FER: variants seen among roughly 807,000 people sequenced by gnomAD.
The protein encoded by FER is FER tyrosine kinase, also known as tyrosine-protein kinase Fer.
A neutral mutation model predicts 111.0 loss-of-function variants in FER; 63 were observed. The observed-to-expected ratio is 0.57, with a 90% CI of 0.46 to 0.70. The LOEUF (loss-of-function observed/expected upper bound fraction) is 0.70. Ranked by LOEUF, FER falls within the 30% of genes least tolerant of loss-of-function variation. The pLI, the probability that FER is intolerant of heterozygous loss-of-function variation, is 0.00. For synonymous variants in FER, 327 were observed against 313.9 expected, an observed-to-expected ratio of 1.04 and a Z score of -0.44; for missense variants, 914 against 954.0, an observed-to-expected ratio of 0.96 and a Z score of 0.55.
chr5:108,932,854 C>A (rs1204579870), intron 10 of FER, among the ~76,000 whole-genome samples: 1 of 133,734 alleles, frequency 7.5e-6, no homozygotes, highest in South Asian at 2.3e-4. Flanking sequence ...ATCCTTTGCC[C>A]ACTTTTTTTT....
intron 10 of FER, among the ~76,000 whole-genome samples, chr5:108,925,755 TC>T (rs1244523537): frequency 6.6e-6 from 1 of 152,144 alleles, no homozygotes; most frequent in African/African-American, 2.4e-5. Flanking sequence ...GTTATGGTGT[TC>T]CAAATATGTG....
chr5:109,085,672 T>C (rs1229860309), intron 16 of FER, among the ~76,000 whole-genome samples: 1 of 151,762 alleles, frequency 6.6e-6, no homozygotes, highest in Non-Finnish European at 1.5e-5. Flanking sequence ...TTAAGTATGG[T>C]GATAGATGTA....
chr5:108,945,348 G>GTT (rs143079603), intron 10 of FER, among the ~76,000 whole-genome samples: 1 of 151,168 alleles, frequency 6.6e-6, no homozygotes, highest in African/African-American at 2.4e-5. Context: ...CCTAGTTTTG[G>GTT]TTTTTTTTCC....
intron 17 of FER, among the ~76,000 whole-genome samples, chr5:109,117,198 A>G (rs973478308): frequency 3.3e-5 from 5 of 152,156 alleles, no homozygotes; most frequent in Admixed American, 6.6e-5. Flanking sequence ...GGCAAACCAG[A>G]AAGATTTAAT....
chr5:108,893,834 G>A (rs1161710753), intron 9 of FER, among the ~76,000 whole-genome samples: 1 of 152,064 alleles, frequency 6.6e-6, no homozygotes, highest in African/African-American at 2.4e-5. Flanking sequence ...TAAAGAAAGT[G>A]TTCCTACTTA....
intron 3 of FER, among the ~76,000 whole-genome samples, chr5:108,816,565 G>A (rs1758303017): frequency 6.6e-6 from 1 of 152,144 alleles, no homozygotes; most frequent in East Asian, 1.9e-4. Flanking sequence ...TTAAAAAAAT[G>A]TGTCCCTGAT....
At chr5:108,979,995 C>G (rs957900469) in intron 13 of FER, among the ~76,000 whole-genome samples, 1 of 152,038 alleles carries the variant, frequency 6.6e-6, no homozygotes, top group African/African-American at 2.4e-5. Context: ...AGGTAATTAT[C>G]ATTAAAGTGA....
In FER at chr5:109,190,245, G is replaced by C. The variant is rs139799666; in HGVS notation, c.*2670G>C. The stretch of plus-strand genomic sequence containing the variant: ...GTTGATGTAGGGAAAGGAAGATTCA[G>C]AAATGTACAAAATCCTGTGATTTGT... On this transcript the variant is annotated 3_prime_UTR_variant, in exon 20 of 20. Coordinates refer to ENST00000281092, the MANE Select transcript of FER (RefSeq NM_005246.4). 151 of 152,144 alleles carry C rather than the reference G, an allele frequency of 9.9e-4. 2 individuals carry two copies. Among genetic ancestry groups the C allele is most frequent in the African/African-American group, 3.3e-3 (135 of 41,508 alleles). The allele number at this position is 152,144 out of a possible 1,614,324, so 9.4% of individuals were successfully genotyped here. A position where few individuals can be genotyped will look rare whatever the true frequency, so the allele number is the denominator to read the frequency against.
chr5:108,884,757 T>A (rs1746840056), intron 9 of FER, among the ~76,000 whole-genome samples: 1 of 151,976 alleles, frequency 6.6e-6, no homozygotes, highest in South Asian at 2.1e-4. Flanking sequence ...TAGTTCGAAC[T>A]TGTTCCAAGA....
At chr5:109,020,292 T>A (rs1008812987) in intron 13 of FER, among the ~76,000 whole-genome samples, 3 of 151,908 alleles carry the variant, frequency 2.0e-5, no homozygotes, top group African/African-American at 4.8e-5. Flanking sequence ...ATTACACTTT[T>A]AAAAAATCAG....
chr5:109,114,318 T>G (rs1237325708), intron 17 of FER, among the ~76,000 whole-genome samples: 2 of 152,150 alleles, frequency 1.3e-5, no homozygotes, highest in Non-Finnish European at 2.9e-5. Context: ...TTTTGAATTG[T>G]GAAACCCTGC....
At chr5:109,087,204 G>A (rs1777664518) in intron 16 of FER, among the ~76,000 whole-genome samples, 1 of 151,558 alleles carries the variant, frequency 6.6e-6, no homozygotes, top group Non-Finnish European at 1.5e-5. Context: ...AAACCTCTTT[G>A]TTATTAATTT....
chr5:109,044,670 C>T lies in FER; in HGVS notation c.1714-10C>T. The T allele has an allele frequency of 7.3e-7, 1 of 1,370,754 alleles. No homozygotes were observed. Among genetic ancestry groups the T allele is most frequent in the South Asian group, 1.4e-5 (1 of 72,644 alleles). The allele number at this position is 1,370,754 out of a possible 1,614,324, so 84.9% of individuals were successfully genotyped here. ...TTTACCCCAGACAATGAATGTATTT[C>T]TATTTTCAGGGAAATTTTGGTGAAG... On this transcript the variant is annotated splice_polypyrimidine_tract_variant and intron_variant, in intron 14 of 19. Transcript: ENST00000281092.
At chr5:108,802,420 T>C (rs780954237) in intron 3 of FER, among the ~76,000 whole-genome samples, 1 of 152,172 alleles carries the variant, frequency 6.6e-6, no homozygotes, top group Non-Finnish European at 1.5e-5. Context: ...GGATATATTG[T>C]GTGATGCTGA....
At chr5:108,842,690 G>A (rs1429165100) in intron 5 of FER, 2 of 152,110 alleles carry the variant, frequency 1.3e-5, no homozygotes, top group African/African-American at 4.8e-5. Flanking sequence ...AAACCACAAT[G>A]TGATACCTCC....
At chr5:109,153,738 A>C (rs1310749975) in intron 17 of FER, among the ~76,000 whole-genome samples, 1 of 151,932 alleles carries the variant, frequency 6.6e-6, no homozygotes, top group Non-Finnish European at 1.5e-5. Flanking sequence ...AAGGAAAATG[A>C]GGCCCAGTGA....
At chr5:108,813,157 C>T (rs545046610) in intron 3 of FER, among the ~76,000 whole-genome samples, 163 of 151,956 alleles carry the variant, frequency 1.1e-3, no homozygotes, top group Non-Finnish European at 1.7e-3. Flanking sequence ...TTATGGTGTC[C>T]TTTGTTTTTG....
At chr5:109,119,666 G>A (rs1750715678) in intron 17 of FER, among the ~76,000 whole-genome samples, 2 of 152,016 alleles carry the variant, frequency 1.3e-5, no homozygotes, top group Non-Finnish European at 1.5e-5. Context: ...AGGTCTCTAA[G>A]GACTTGCTTT....
At chr5:108,868,060 G>C (rs376594651) in intron 6 of FER, 110 bp downstream of exon 6, 1 of 993,808 alleles carries the variant, frequency 1.0e-6, no homozygotes, top group Non-Finnish European at 1.4e-6. Flanking sequence ...CCCAGTCCAG[G>C]GGGTATTTCA....
Sources: allele counts gnomAD v4.1 joint callset (sites outside exome capture counted in the v4.1 genomes callset), GRCh38; gene constraint gnomAD v4.1.1; transcripts MANE v1.5; gene names NCBI Gene and HGNC (gene_info 2026-07-23, HGNC 2026-07-21).